The following RANBP10 variants were observed in gnomAD, a reference collection of about 807,000 sequenced individuals.
The protein encoded by RANBP10 is ran-binding protein 10.
In RANBP10, 24 loss-of-function variants were observed where a neutral mutation model predicts 72.8. That is an observed-to-expected ratio of 0.33 (90% CI 0.24 to 0.46). RANBP10 has a LOEUF of 0.46. Ranked by LOEUF, RANBP10 falls within the 20% of genes least tolerant of loss-of-function variation. RANBP10 has a pLI of 1.00. For synonymous variants in RANBP10, 310 were observed against 322.3 expected, an observed-to-expected ratio of 0.96 and a Z score of 0.41; for missense variants, 679 against 817.5, an observed-to-expected ratio of 0.83 and a Z score of 2.07.
At chr16:67,735,268 A>C (rs2053820545) in intron 5 of RANBP10, among the ~76,000 whole-genome samples, 1 of 152,302 alleles carries the variant, frequency 6.6e-6, no homozygotes, top group Middle Eastern at 3.4e-3. Flanking sequence ...CATCATGGAG[A>C]GTGTCCTGCC....
rs371532164 is a variant in RANBP10 at position 67,728,407 on chromosome 16, G to A, written c.1457C>T (p.Thr486Met). 4.6e-5 allele frequency: 74 copies of A among 1,614,024 alleles called. No individual in the cohort carries two copies. Among genetic ancestry groups the A allele is most frequent in the South Asian group, 4.4e-4 (40 of 91,090 alleles). ...NGAYKHEDLQTDESSMDDRHP... is the reference protein window; with the variant it reads ...NGAYKHEDLQMDESSMDDRHP... The stretch of plus-strand genomic sequence containing the variant: ...GCTCTCACCCATGCTGGACTCATCC[G>A]TCTGCAGGTCCTCATGCTTGTAGGC... Residue 486 changes from threonine to methionine, a missense_variant, in exon 11 of 14, where the codon ACG becomes ATG. By Grantham distance (81) the Thr-to-Met change is moderately conservative (BLOSUM62 -1). Coordinates refer to ENST00000317506, the MANE Select transcript of RANBP10 (RefSeq NM_020850.3).
At chr16:67,754,581 G>A (rs1298093522) in intron 3 of RANBP10, among the ~76,000 whole-genome samples, 2 of 152,180 alleles carry the variant, frequency 1.3e-5, no homozygotes, top group Non-Finnish European at 2.9e-5. Context: ...AGAGGAACTG[G>A]CACTACACTG....
intron 2 of RANBP10, among the ~76,000 whole-genome samples, chr16:67,779,504 A>C (rs1443866910): frequency 6.6e-6 from 1 of 152,144 alleles, no homozygotes; most frequent in Non-Finnish European, 1.5e-5. Flanking sequence ...CCTCAAACTC[A>C]TTCTCCTGTA....
chr16:67,738,741 T>TGAGCCC (rs1411363395), intron 4 of RANBP10: 2 of 151,818 alleles, frequency 1.3e-5, no homozygotes, highest in East Asian at 3.9e-4. Context: ...CGTGAGCCAC[T>TGAGCCC]GAGCCCGGCC....
At chr16:67,793,849 T>G (rs1274206706) in intron 2 of RANBP10, among the ~76,000 whole-genome samples, 1 of 152,056 alleles carries the variant, frequency 6.6e-6, no homozygotes, top group African/African-American at 2.4e-5. Flanking sequence ...TCTCTATCCC[T>G]CTGCTATTTA....
At chr16:67,806,229 G>A (rs565835476) in intron 1 of RANBP10, 73 bp downstream of exon 1, 2 of 1,390,438 alleles carry the variant, frequency 1.4e-6, no homozygotes, top group African/African-American at 1.4e-5. Context: ...GAGGTGATAG[G>A]GCGGGGGCCT....
intron 11 of RANBP10, 38 bp downstream of exon 11, chr16:67,728,352 T>C: frequency 6.2e-7 from 1 of 1,606,238 alleles, no homozygotes; most frequent in Non-Finnish European, 8.5e-7. Context: ...GACTGCACAC[T>C]GCCCTCAAAG....
intron 3 of RANBP10, among the ~76,000 whole-genome samples, chr16:67,758,991 C>T (rs1261805298): frequency 6.6e-6 from 1 of 152,264 alleles, no homozygotes; most frequent in African/African-American, 2.4e-5. Context: ...AGGGTGCTGC[C>T]AGCCCAGGGA....
chr16:67,726,433 G>A lies in RANBP10; in HGVS notation c.1858C>T (p.His620Tyr). Residue 620 changes from histidine (H) to tyrosine (Y), a missense_variant, in exon 14 of 14, where the codon CAC (histidine) becomes TAC (tyrosine). Physicochemically the swap from His to Tyr is moderately conservative, Grantham distance 83 (BLOSUM62 2). Coordinates refer to ENST00000317506, the MANE Select transcript of RANBP10 (RefSeq NM_020850.3). ...GAGCCAGCCAGCACAGTCAGCTAGTGCAAGTAGTCATCAACTCTGGCAAAG... is the reference window on the plus strand; with the variant it reads ...GAGCCAGCCAGCACAGTCAGCTAGTACAAGTAGTCATCAACTCTGGCAAAG... ...CSFARVDDYL[H>Y] 3 of 1,612,682 alleles carry A rather than the reference G, an allele frequency of 1.9e-6. No individual in the cohort carries two copies. Among genetic ancestry groups the A allele is most frequent in the Non-Finnish European group, 2.5e-6 (3 of 1,179,566 alleles).
chr16:67,756,229 ATCTGCC>A (rs1458189619), intron 3 of RANBP10, among the ~76,000 whole-genome samples: 2 of 152,222 alleles, frequency 1.3e-5, no homozygotes, highest in Non-Finnish European at 2.9e-5. Context: ...TGCCACTACC[ATCTGCC>A]AGGGCAGATC....
rs917612528 is a variant in RANBP10 at position 67,730,624 on chromosome 16, C to G, written c.890-578G>C. Among the ~76,000 whole-genome samples the G allele has an allele frequency of 6.6e-6, 1 of 152,210 alleles. No individual in the cohort carries two copies. The highest frequency in any genetic ancestry group is 2.4e-5 in the African/African-American group (1 of 41,446). On this transcript the variant is annotated intron_variant, in intron 7 of 13. Transcript: ENST00000317506. The surrounding 1 kb of genome is among the most constrained non-coding windows in gnomAD (Gnocchi z 4.3). ...TCAGCATCTTGCTGCTGCCTTTTCG[C>G]TCTTGCCGTGGGGCCTGGTGCATCT...
chr16:67,758,280 C>A (rs1349617777), intron 3 of RANBP10, among the ~76,000 whole-genome samples: 1 of 152,188 alleles, frequency 6.6e-6, no homozygotes, highest in Non-Finnish European at 1.5e-5. Context: ...CCATACTGAA[C>A]TAGGAAAGGT....
intron 4 of RANBP10, 75 bp from the exon 5 acceptor site, chr16:67,738,110 G>C: frequency 6.9e-7 from 1 of 1,444,452 alleles, no homozygotes; most frequent in Non-Finnish European, 9.3e-7. Context: ...GGTGGAGCCA[G>C]TGCTAGGGCC....
chr16:67,798,089 C>A (rs774251022), intron 2 of RANBP10, among the ~76,000 whole-genome samples: 3 of 151,784 alleles, frequency 2.0e-5, no homozygotes, highest in Non-Finnish European at 4.4e-5. Flanking sequence ...ACCCTGTGTT[C>A]CAGAACCCAA....
chr16:67,794,672 G>A (rs2055093546), intron 2 of RANBP10, among the ~76,000 whole-genome samples: 1 of 150,622 alleles, frequency 6.6e-6, no homozygotes, highest in Non-Finnish European at 1.5e-5. Flanking sequence ...ACAGGTGTGT[G>A]CCACCATGGC....
rs35741053 is a variant in RANBP10, at chr16:67,772,090, CAAAAA to C, written c.348-9_348-5del. On this transcript the variant is annotated splice_polypyrimidine_tract_variant and splice_region_variant and intron_variant, in intron 2 of 13. Coordinates refer to ENST00000317506, the MANE Select transcript of RANBP10 (RefSeq NM_020850.3). Reference sequence around the variant, plus strand: ...CGAGAGTCCTATTCCCATGTAACTTCAAAAAAAAAAAAAAAAAAAACACAAAATTT... The same window carrying C: ...CGAGAGTCCTATTCCCATGTAACTTCAAAAAAAAAAAAAAACACAAAATTT... 1.8e-5 allele frequency: 23 copies of C among 1,312,196 alleles called. No homozygotes were observed. The highest frequency in any genetic ancestry group is 4.8e-5 in the South Asian group (3 of 61,904). The allele number at this position is 1,312,196 out of a possible 1,614,324, so 81.3% of individuals were successfully genotyped here. A position where few individuals can be genotyped will look rare whatever the true frequency, so the allele number is the denominator to read the frequency against.
chr16:67,804,693 A>T (rs930893075), intron 2 of RANBP10, among the ~76,000 whole-genome samples: 2 of 151,816 alleles, frequency 1.3e-5, no homozygotes, highest in Admixed American at 6.6e-5. Flanking sequence ...ATGCCAGTTA[A>T]TTTTTTTGTA....
rs768116527 is a variant in RANBP10 at position 67,727,881 on chromosome 16, C to T, written c.1490G>A (p.Arg497Gln). ...DESSMDDRHP[R>Q]RQLCGGNQAA... ...CTGGTTGCCCCCGCAGAGCTGCCGC[C>T]GAGGATGCCTGTCATCTGCATCCAG... Residue 497 changes from arginine (R) to glutamine (Q), a missense_variant, in exon 12 of 14, where the codon CGG (arginine) becomes CAG (glutamine). Transcript: ENST00000317506. The T allele has an allele frequency of 1.5e-5, 25 of 1,613,882 alleles. No homozygotes were observed. The highest frequency in any genetic ancestry group is 1.6e-4 in the Middle Eastern group (1 of 6,084).
intron 2 of RANBP10, 79 bp from the exon 3 acceptor site, chr16:67,772,165 G>A (rs2054620150): frequency 2.7e-6 from 4 of 1,455,166 alleles, no homozygotes; most frequent in Non-Finnish European, 3.8e-6. Flanking sequence ...AACATTTATT[G>A]GTAAAAGACA....
Sources: allele counts gnomAD v4.1 joint callset (sites outside exome capture counted in the v4.1 genomes callset), GRCh38; gene constraint gnomAD v4.1.1; non-coding constraint Gnocchi (gnomAD v3.1); transcripts MANE v1.5; gene names NCBI Gene and HGNC (gene_info 2026-07-23, HGNC 2026-07-21).